The following EPHA6 variants were observed in gnomAD, a reference collection of about 807,000 sequenced individuals.
EPHA6 encodes the protein ephrin type-A receptor 6.
A neutral mutation model predicts 112.0 loss-of-function variants in EPHA6; 50 were observed. The observed-to-expected ratio is 0.45, with a 90% confidence interval of 0.36 to 0.56. EPHA6 has a LOEUF of 0.56. Among genes scored for constraint, EPHA6 ranks in the 20% least tolerant of loss-of-function variants. The pLI is 0.00. For missense variants in EPHA6, 1,280 were observed against 1,417.4 expected, an observed-to-expected ratio of 0.90 and a Z score of 1.56; for synonymous variants, 529 against 490.7, an observed-to-expected ratio of 1.08 and a Z score of -1.03.
At chr3:97,244,444 ACTCAGAAAGATATTTTTATATTACTT>A in intron 5 of EPHA6, 157 bp downstream of exon 5, 1 of 618,318 alleles carries the variant, frequency 1.6e-6, no homozygotes, top group Non-Finnish European at 2.8e-6. Context: ...CTTTCCTAAA[ACTCAGAAAGATATTTTTATATTACTT>A]CTCAGCAGTA....
rs58415168 is a variant in EPHA6, at chr3:97,000,294, T to C, written c.1114+12301T>C. 2.7e-3 allele frequency among the ~76,000 whole-genome samples: 366 copies of C among 134,590 alleles called. 3 individuals are homozygous for C. The highest frequency in any genetic ancestry group is 7.7e-3 in the East Asian group (38 of 4,946). The allele number at this position is 134,590 out of a possible 152,430, so 88.3% of individuals were successfully genotyped here. ...ACACACACACACACACACACACACA[T>C]ATATATAGCCATATATAGCCACTCA... On this transcript the variant is annotated intron_variant, in intron 3 of 17. Coordinates refer to ENST00000389672, the MANE Select transcript of EPHA6 (RefSeq NM_001080448.3).
Position 97,610,691 on chromosome 3 carries a change from T to A in EPHA6, c.2513-102T>A, listed in dbSNP as rs2093712082. ...GGCTGGAAAATGAAATTCCTATTAA[T>A]AAAATACAAATAATTTAGTTGCCAC... On this transcript the variant is annotated intron_variant, in intron 12 of 17. Coordinates refer to ENST00000389672, the MANE Select transcript of EPHA6 (RefSeq NM_001080448.3). The A allele has an allele frequency of 1.6e-5, 14 of 887,788 alleles. No individual in the cohort carries two copies. The South Asian group carries it at 2.1e-4, about 13-fold the overall frequency. The allele number at this position is 887,788 out of a possible 1,614,324, so 55.0% of individuals were successfully genotyped here. A position where few individuals can be genotyped will look rare whatever the true frequency, so the allele number is the denominator to read the frequency against.
intron 5 of EPHA6, among the ~76,000 whole-genome samples, chr3:97,261,166 A>G (rs1219994926): frequency 6.6e-6 from 1 of 152,234 alleles, no homozygotes; most frequent in Non-Finnish European, 1.5e-5. Flanking sequence ...TTAAAAACAA[A>G]GCAGGGCTGG....
chr3:96,815,293 G>T (rs1398235970), intron 1 of EPHA6, among the ~76,000 whole-genome samples: 1 of 152,120 alleles, frequency 6.6e-6, no homozygotes, highest in Non-Finnish European at 1.5e-5. Context: ...ACCGCTCCCC[G>T]CTGCGCTGTC....
intron 14 of EPHA6, among the ~76,000 whole-genome samples, chr3:97,690,731 G>C (rs552880313): frequency 3.3e-5 from 5 of 152,244 alleles, no homozygotes; most frequent in Admixed American, 1.3e-4. Flanking sequence ...ATTTCCCAAA[G>C]TGCTGGGATT....
At chr3:97,249,623 G>A (rs143560347) in intron 5 of EPHA6, among the ~76,000 whole-genome samples, 5 of 152,170 alleles carry the variant, frequency 3.3e-5, no homozygotes, top group East Asian at 1.9e-4. Flanking sequence ...AAAACACTAC[G>A]GTGTCACTGT....
At chr3:97,109,445 C>T (rs1370013832) in intron 3 of EPHA6, among the ~76,000 whole-genome samples, 1 of 152,104 alleles carries the variant, frequency 6.6e-6, no homozygotes, top group Non-Finnish European at 1.5e-5. Flanking sequence ...TTTCTACTTG[C>T]ATGGGAAGGA....
At chr3:96,936,755 A>T (rs1262242707) in intron 2 of EPHA6, among the ~76,000 whole-genome samples, 1 of 151,714 alleles carries the variant, frequency 6.6e-6, no homozygotes, top group Admixed American at 6.6e-5. Flanking sequence ...GCTATCCCTC[A>T]CCACTCCTCC....
intron 7 of EPHA6, among the ~76,000 whole-genome samples, chr3:97,460,698 A>G (rs2090858867): frequency 1.3e-5 from 2 of 152,144 alleles, no homozygotes; most frequent in South Asian, 4.1e-4. Context: ...AGATTCCTCA[A>G]TGTGATGTAC....
intron 5 of EPHA6, among the ~76,000 whole-genome samples, chr3:97,352,579 C>T (rs2083868032): frequency 6.6e-6 from 1 of 152,236 alleles, no homozygotes; most frequent in South Asian, 2.1e-4. Context: ...TCAGTTGGTG[C>T]CCACAAAGGG....
intron 3 of EPHA6, among the ~76,000 whole-genome samples, chr3:97,039,138 G>T (rs922586247): frequency 1.3e-5 from 2 of 151,994 alleles, no homozygotes; most frequent in African/African-American, 4.8e-5. Context: ...ACAAAATATG[G>T]CAATGGATGT....
chr3:97,185,466 T>A (rs1384822405), intron 3 of EPHA6, among the ~76,000 whole-genome samples: 1 of 151,954 alleles, frequency 6.6e-6, no homozygotes, highest in East Asian at 1.9e-4. Context: ...CATGAAAAAA[T>A]GCTCATCATC....
At chr3:97,579,784 C>CAT (rs1273276571) in intron 11 of EPHA6, among the ~76,000 whole-genome samples, 5 of 152,096 alleles carry the variant, frequency 3.3e-5, no homozygotes. Context: ...AATATACTGT[C>CAT]ATATATTGCT....
At chr3:96,938,678 T>A (rs1441275725) in intron 2 of EPHA6, among the ~76,000 whole-genome samples, 1 of 151,790 alleles carries the variant, frequency 6.6e-6, no homozygotes, top group Non-Finnish European at 1.5e-5. Flanking sequence ...GGCATCCCTG[T>A]CTTGTGCCAG....
At chr3:97,374,928 G>C (rs554266202) in intron 5 of EPHA6, among the ~76,000 whole-genome samples, 30 of 152,122 alleles carry the variant, frequency 2.0e-4, no homozygotes, top group South Asian at 1.0e-3. Context: ...GAATTTTCAT[G>C]GTTTGAGTCA....
At chr3:97,481,468 G>T in intron 9 of EPHA6, 1 of 1,265,532 alleles carries the variant, frequency 7.9e-7, no homozygotes, top group Non-Finnish European at 1.1e-6. Context: ...ATATTTCAGA[G>T]GCAATAAGGA....
chr3:96,968,162 A>G (rs114310881), intron 2 of EPHA6, among the ~76,000 whole-genome samples: 2 of 151,686 alleles, frequency 1.3e-5, no homozygotes, highest in Admixed American at 6.6e-5. Flanking sequence ...TTTTTGTTCT[A>G]ATATTGACTG....
intron 11 of EPHA6, among the ~76,000 whole-genome samples, chr3:97,566,971 C>G (rs976645828): frequency 6.6e-6 from 1 of 152,142 alleles, no homozygotes; most frequent in Non-Finnish European, 1.5e-5. Flanking sequence ...TAAACTCCAT[C>G]CCTACCAAAT....
intron 14 of EPHA6, among the ~76,000 whole-genome samples, chr3:97,676,767 G>A (rs1020082102): frequency 1.3e-5 from 2 of 152,184 alleles, no homozygotes; most frequent in Non-Finnish European, 2.9e-5. Context: ...AGGAAATAGA[G>A]TCCCTGGGTC....
Sources: gnomAD v4.1 joint callset for allele counts (sites outside exome capture counted in the v4.1 genomes callset) on GRCh38, gnomAD v4.1.1 for gene constraint, MANE v1.5 for transcripts, NCBI Gene and HGNC (gene_info 2026-07-23, HGNC 2026-07-21) for gene names.